The following TMBIM4 variants were observed in gnomAD, a reference collection of about 807,000 sequenced individuals.
TMBIM4 encodes the protein protein lifeguard 4.
Under a neutral mutation model 27.7 loss-of-function variants are expected in TMBIM4, and 28 were observed. The ratio of observed to expected loss-of-function variants is 1.01; its 90% CI spans 0.75 to 1.38. The LOEUF (loss-of-function observed/expected upper bound fraction) is 1.38. Ranked by LOEUF, TMBIM4 falls within the 40% of genes most tolerant of loss-of-function variation. TMBIM4 has a pLI of 0.00. For synonymous variants in TMBIM4, 115 were observed against 113.1 expected (o/e 1.02, Z -0.11); for missense variants, 265 against 277.5 (o/e 0.95, Z 0.32).
chr12:66,141,128 T>G (rs966308479), intron 5 of TMBIM4, among the ~76,000 whole-genome samples: 1 of 152,040 alleles, frequency 6.6e-6, no homozygotes, highest in African/African-American at 2.4e-5. Flanking sequence ...AGTCCCTTAG[T>G]CAAATGATAT....
At chr12:66,142,279 G>A (rs1051533489) in intron 5 of TMBIM4, among the ~76,000 whole-genome samples, 1 of 151,526 alleles carries the variant, frequency 6.6e-6, no homozygotes, top group Non-Finnish European at 1.5e-5. Context: ...TCACAACATA[G>A]ATCCTTCAGG....
rs574128545 is a variant in TMBIM4, at chr12:66,164,596, C to G, written c.97+5259G>C. On this transcript the variant is annotated intron_variant, in intron 1 of 6. Coordinates refer to ENST00000358230, the MANE Select transcript of TMBIM4 (RefSeq NM_016056.4). ...AGCAACCAAGATGGAATTACTTTGGCCTCCACAGCCATATATGAAAAGCCC... is the reference window on the plus strand; with the variant it reads ...AGCAACCAAGATGGAATTACTTTGGGCTCCACAGCCATATATGAAAAGCCC... Among the ~76,000 whole-genome samples the G allele has an allele frequency of 3.9e-5, 6 of 152,290 alleles. No individual in the cohort carries two copies. In the South Asian group the frequency reaches 1.0e-3, roughly 26 times the overall value.
At chr12:66,155,331 C>T (rs1555199571) in intron 1 of TMBIM4, among the ~76,000 whole-genome samples, 1 of 75,948 alleles carries the variant, frequency 1.3e-5, no homozygotes, top group Non-Finnish European at 3.0e-5. Context: ...TGTGTGCACA[C>T]GTGTGAGAGA....
At chr12:66,156,617 ATACT>A (rs1319948009) in intron 1 of TMBIM4, among the ~76,000 whole-genome samples, 1 of 152,112 alleles carries the variant, frequency 6.6e-6, no homozygotes, top group African/African-American at 2.4e-5. Context: ...CTCTGCTTAA[ATACT>A]TAAATAATCG....
At chr12:66,166,775 C>T (rs1327512985) in intron 1 of TMBIM4, among the ~76,000 whole-genome samples, 5 of 152,188 alleles carry the variant, frequency 3.3e-5, no homozygotes, top group South Asian at 2.1e-4. Flanking sequence ...CTATACAACA[C>T]GGCAATTGTG....
At chr12:66,141,087 G>A (rs1270144179) in intron 5 of TMBIM4, among the ~76,000 whole-genome samples, 1 of 151,854 alleles carries the variant, frequency 6.6e-6, no homozygotes, top group Non-Finnish European at 1.5e-5. Flanking sequence ...CACAAAAGAT[G>A]ACCAACAGAC....
At chr12:66,169,206 C>A (rs765802877) in intron 1 of TMBIM4, 2 of 691,744 alleles carry the variant, frequency 2.9e-6, no homozygotes, top group South Asian at 1.5e-5. Flanking sequence ...ATGGCTTCCA[C>A]GTAGATGAAG....
chr12:66,168,187 C>T (rs889349027), intron 1 of TMBIM4, among the ~76,000 whole-genome samples: 4 of 150,910 alleles, frequency 2.7e-5, no homozygotes, highest in Admixed American at 1.3e-4. Context: ...CACCACTGCA[C>T]TCCAGCCTCG....
rs753199819 is a variant in TMBIM4, at chr12:66,152,308, T to C, written c.275A>G (p.His92Arg). The C allele has an allele frequency of 1.2e-5, 19 of 1,609,484 alleles. No individual in the cohort carries two copies. The highest frequency in any genetic ancestry group is 1.4e-5 in the Non-Finnish European group (17 of 1,177,450). Residue 92 changes from histidine (H) to arginine (R), a missense_variant, in exon 3 of 7, where the codon CAT becomes CGT. Transcript: ENST00000358230. Reference protein sequence around the residue: ...GLIFALILNRHKYPLNLYLLF... With the variant: ...GLIFALILNRRKYPLNLYLLF... ...TAGGTACAGGTTAAGGGGATACTTA[T>C]GTCTGTTTAAAATCAACGCAAAAAT...
chr12:66,153,151 A>C (rs994973512), intron 2 of TMBIM4, among the ~76,000 whole-genome samples, 189 bp downstream of exon 2: 2 of 152,138 alleles, frequency 1.3e-5, no homozygotes, highest in African/African-American at 2.4e-5. Flanking sequence ...AAAAGTTCAG[A>C]GGTAAATACC....
intron 1 of TMBIM4, chr12:66,169,432 C>A (rs2052195098): frequency 5.7e-6 from 3 of 524,270 alleles, no homozygotes; most frequent in Non-Finnish European, 6.7e-6. Context: ...ACGCGAAACC[C>A]CACAGAACAA....
chr12:66,149,145 GA>G, intron 3 of TMBIM4, among the ~76,000 whole-genome samples: 1 of 152,046 alleles, frequency 6.6e-6, no homozygotes. Flanking sequence ...AAAGATGATA[GA>G]AATTTTTTTC....
chr12:66,137,964 T>G lies in TMBIM4; in HGVS notation c.713A>C (p.Lys238Thr). The G allele has an allele frequency of 6.2e-7, 1 of 1,612,648 alleles. No individual in the cohort carries two copies. The highest frequency in any genetic ancestry group is 8.5e-7 in the Non-Finnish European group (1 of 1,179,684). The change falls in exon 7 of 7, where the codon AAG becomes ACG. Residue 238 changes from lysine (K) to threonine (T), a missense_variant. Physicochemically the swap from Lys to Thr is moderately conservative, Grantham distance 78. Transcript: ENST00000358230. The stretch of plus-strand genomic sequence containing the variant: ...GTTGAGCTGAGATACTTTTAATTAC[T>G]TTTTATTAACTGCTTCCAGAAACCG... ...LLRFLEAVNK[K>T]
At chr12:66,150,792 G>A (rs2051833250) in intron 3 of TMBIM4, among the ~76,000 whole-genome samples, 1 of 152,092 alleles carries the variant, frequency 6.6e-6, no homozygotes. Flanking sequence ...ATGACTCTGG[G>A]GGCAAACAAT....
chr12:66,146,876 T>C (rs545981091), intron 4 of TMBIM4, among the ~76,000 whole-genome samples: 2 of 152,276 alleles, frequency 1.3e-5, no homozygotes, highest in East Asian at 3.9e-4. Flanking sequence ...GTCAGTAATT[T>C]AAGTATACGA....
chr12:66,166,309 T>C (rs2052125882), intron 1 of TMBIM4, among the ~76,000 whole-genome samples: 1 of 151,140 alleles, frequency 6.6e-6, no homozygotes, highest in Non-Finnish European at 1.5e-5. Context: ...TCTAAAAATA[T>C]AAAAAATTAG....
intron 3 of TMBIM4, among the ~76,000 whole-genome samples, chr12:66,151,680 G>C (rs1185915479): frequency 6.6e-6 from 1 of 152,174 alleles, no homozygotes; most frequent in Non-Finnish European, 1.5e-5. Flanking sequence ...ATTCTAAACT[G>C]AATTTTCATA....
At chr12:66,141,854 A>G (rs1051500561) in intron 5 of TMBIM4, among the ~76,000 whole-genome samples, 5 of 152,200 alleles carry the variant, frequency 3.3e-5, no homozygotes, top group Non-Finnish European at 7.4e-5. Flanking sequence ...TAGAATTTAC[A>G]TAAGAAATAG....
At chr12:66,159,984 A>G (rs976930513) in intron 1 of TMBIM4, among the ~76,000 whole-genome samples, 2 of 152,254 alleles carry the variant, frequency 1.3e-5, no homozygotes, top group African/African-American at 4.8e-5. Flanking sequence ...ACCAACCACA[A>G]GAGTCAGCAA....
Sources: allele counts gnomAD v4.1 joint callset (sites outside exome capture counted in the v4.1 genomes callset), GRCh38; gene constraint gnomAD v4.1.1; transcripts MANE v1.5; gene names NCBI Gene and HGNC (gene_info 2026-07-23, HGNC 2026-07-21).